The following RALYL variants were observed in gnomAD, a reference collection of about 807,000 sequenced individuals.
RALYL encodes the protein RALY RNA binding protein like, also known as RNA-binding Raly-like protein.
A neutral mutation model predicts 35.1 loss-of-function variants in RALYL; 29 were observed. That is an observed-to-expected ratio of 0.83 (90% CI 0.61 to 1.13). The LOEUF is 1.13. RALYL is among the 50% of genes most tolerant of loss of function. RALYL has a pLI of 0.00. For missense variants in RALYL, 359 were observed against 360.4 expected (o/e 1.00, Z 0.03); for synonymous variants, 120 against 127.6 (o/e 0.94, Z 0.40).
chr8:84,669,480 T>TCC (rs1299255982), intron 2 of RALYL, among the ~76,000 whole-genome samples: 17 of 8,544 alleles, frequency 2.0e-3, no homozygotes, highest in South Asian at 0.012. Context: ...ATCTTCTCCC[T>TCC]CCCCCCTCCC....
intron 2 of RALYL, among the ~76,000 whole-genome samples, chr8:84,643,138 G>A (rs1826745820): frequency 6.6e-6 from 1 of 151,862 alleles, no homozygotes; most frequent in Non-Finnish European, 1.5e-5. Context: ...AAAATCCCCA[G>A]GTAAAGGGCT....
chr8:84,592,391 T>G (rs1350695719), intron 2 of RALYL, among the ~76,000 whole-genome samples: 2 of 152,170 alleles, frequency 1.3e-5, no homozygotes, highest in African/African-American at 2.4e-5. Flanking sequence ...TTCTTTGCTT[T>G]CTTTCTTTTT....
chr8:84,545,035 A>C (rs2060263560), intron 2 of RALYL, among the ~76,000 whole-genome samples: 1 of 152,046 alleles, frequency 6.6e-6, no homozygotes, highest in Admixed American at 6.5e-5. Flanking sequence ...CACTTCTAAC[A>C]TCTATAAAAA....
intron 2 of RALYL, among the ~76,000 whole-genome samples, chr8:84,678,245 G>T (rs1429825469): frequency 1.3e-5 from 2 of 151,462 alleles, no homozygotes; most frequent in Admixed American, 6.6e-5. Flanking sequence ...TGCAAGTATA[G>T]TTTTTTTGTT....
intron 4 of RALYL, among the ~76,000 whole-genome samples, chr8:84,831,203 T>C (rs1344567813): frequency 6.6e-6 from 1 of 152,088 alleles, no homozygotes; most frequent in Non-Finnish European, 1.5e-5. Context: ...AAATGAGGCA[T>C]TTAGAATTTG....
intron 1 of RALYL, among the ~76,000 whole-genome samples, chr8:84,333,492 TA>T (rs1337852926): frequency 6.6e-6 from 1 of 152,160 alleles, no homozygotes; most frequent in Non-Finnish European, 1.5e-5. Context: ...AAAACTCTGA[TA>T]CAGTCTTTTT....
intron 2 of RALYL, among the ~76,000 whole-genome samples, chr8:84,625,697 T>C (rs182142937): frequency 6.6e-6 from 1 of 152,290 alleles, no homozygotes; most frequent in East Asian, 1.9e-4. Context: ...AAATCCAAGG[T>C]TTAAAACTCT....
intron 4 of RALYL, among the ~76,000 whole-genome samples, chr8:84,839,801 G>C (rs1303770460): frequency 6.6e-6 from 1 of 152,226 alleles, no homozygotes; most frequent in Non-Finnish European, 1.5e-5. Context: ...AGCAACATTT[G>C]CTGCTCACCA....
At position 84,230,644 on chromosome 8, in the gene RALYL, T is replaced by C. The variant is rs142113811; in HGVS notation, c.-24+46220T>C. ...AAGTTTTTCGACTTTCATACCAGTA[T>C]AGTTACTACTATGGACACTACTTGT... is the stretch of plus-strand genomic sequence containing the variant. On this transcript the variant is annotated intron_variant, in intron 1 of 8. Coordinates refer to ENST00000521268, the MANE Select transcript of RALYL (RefSeq NM_173848.7). 6.1e-3 allele frequency among the ~76,000 whole-genome samples: 933 copies of C among 152,362 alleles called. 6 individuals are homozygous for C. The highest frequency in any genetic ancestry group is 0.033 in the South Asian group (157 of 4,830).
chr8:84,427,179 A>C (rs1476956626), intron 1 of RALYL, among the ~76,000 whole-genome samples: 1 of 152,258 alleles, frequency 6.6e-6, no homozygotes, highest in Non-Finnish European at 1.5e-5. Context: ...AAGTGTGTGC[A>C]TGAGAGATGA....
intron 1 of RALYL, among the ~76,000 whole-genome samples, chr8:84,230,206 A>C (rs1035991325): frequency 1.3e-5 from 2 of 152,184 alleles, no homozygotes; most frequent in African/African-American, 2.4e-5. Flanking sequence ...TATATGTGAT[A>C]TTTCACAAAA....
chr8:84,737,610 T>C (rs1386016967), intron 2 of RALYL, among the ~76,000 whole-genome samples: 2 of 152,038 alleles, frequency 1.3e-5, no homozygotes, highest in Non-Finnish European at 2.9e-5. Flanking sequence ...TGTTTTCATT[T>C]AAAAATATAT....
intron 2 of RALYL, among the ~76,000 whole-genome samples, chr8:84,553,782 A>G (rs2060911031): frequency 6.6e-6 from 1 of 152,070 alleles, no homozygotes; most frequent in South Asian, 2.1e-4. Flanking sequence ...GTGGTCCTTT[A>G]AGAAAATTAA....
At chr8:84,413,410 T>TG (rs1770208195) in intron 1 of RALYL, among the ~76,000 whole-genome samples, 1 of 151,054 alleles carries the variant, frequency 6.6e-6, no homozygotes, top group Non-Finnish European at 1.5e-5. Context: ...TGTTTACTGA[T>TG]GGAGAAAAAA....
chr8:84,224,379 G>C (rs1425751058), intron 1 of RALYL, among the ~76,000 whole-genome samples: 7 of 152,148 alleles, frequency 4.6e-5, no homozygotes. Flanking sequence ...ACCGGTGGGA[G>C]ACTGGACAGA....
intron 1 of RALYL, among the ~76,000 whole-genome samples, chr8:84,460,405 G>C (rs148014955): frequency 6.6e-6 from 1 of 151,784 alleles, no homozygotes; most frequent in East Asian, 1.9e-4. Context: ...TGCATTGTTC[G>C]TAAGAGTAAA....
intron 4 of RALYL, chr8:84,828,553 T>C (rs1249418535): frequency 1.3e-5 from 2 of 157,184 alleles, no homozygotes; most frequent in African/African-American, 4.8e-5. Context: ...CCTTTGACAA[T>C]TGTCTTTCTA....
intron 6 of RALYL, among the ~76,000 whole-genome samples, chr8:84,868,347 C>G (rs1464300502): frequency 2.6e-5 from 4 of 152,068 alleles, no homozygotes; most frequent in Non-Finnish European, 5.9e-5. Flanking sequence ...TGCATACCAC[C>G]ATGCCTGGCT....
intron 2 of RALYL, among the ~76,000 whole-genome samples, chr8:84,575,961 CAA>C (rs201624374): frequency 3.5e-3 from 270 of 77,762 alleles, no homozygotes; most frequent in African/African-American, 0.01. Flanking sequence ...GATTTTGTCT[CAA>C]AAAAAAAAAA....
Sources: allele counts gnomAD v4.1 joint callset (sites outside exome capture counted in the v4.1 genomes callset), GRCh38; gene constraint gnomAD v4.1.1; transcripts MANE v1.5; gene names NCBI Gene and HGNC (gene_info 2026-07-23, HGNC 2026-07-21).